Variants in ROR2 observed in about 807,000 individuals in gnomAD.
ROR2 encodes the protein tyrosine-protein kinase transmembrane receptor ROR2.
Under a neutral mutation model 74.9 loss-of-function variants are expected in ROR2, and 33 were observed. The observed-to-expected ratio is 0.44, with a 90% CI of 0.33 to 0.59. The LOEUF (loss-of-function observed/expected upper bound fraction) is 0.59. Ranked by LOEUF, ROR2 falls within the 20% of genes least tolerant of loss-of-function variation. The pLI is 0.02. For missense variants in ROR2, 1,216 were observed against 1,313.8 expected (o/e 0.93, Z 1.15); for synonymous variants, 586 against 558.7 (o/e 1.05, Z -0.69).
chr9:91,853,293 G>C (rs945648893), intron 1 of ROR2, among the ~76,000 whole-genome samples: 1 of 152,316 alleles, frequency 6.6e-6, no homozygotes, highest in South Asian at 2.1e-4. Flanking sequence ...AGAGTTACTG[G>C]GAAAGGTGAC....
At chr9:91,803,011 C>A (rs544032633) in intron 1 of ROR2, among the ~76,000 whole-genome samples, 1 of 152,236 alleles carries the variant, frequency 6.6e-6, no homozygotes, top group South Asian at 2.1e-4. Flanking sequence ...CTCACACCCA[C>A]TAAGGCAGCC....
At chr9:91,832,219 A>T (rs780029634) in intron 1 of ROR2, among the ~76,000 whole-genome samples, 5 of 152,146 alleles carry the variant, frequency 3.3e-5, no homozygotes, top group Non-Finnish European at 7.3e-5. Flanking sequence ...TCTTTGGATT[A>T]ACACTGGTAC....
chr9:91,737,092 C>T (rs1223427719), intron 5 of ROR2, among the ~76,000 whole-genome samples: 1 of 152,182 alleles, frequency 6.6e-6, no homozygotes, highest in East Asian at 1.9e-4. Context: ...GAGGCCCTGG[C>T]GTTGCAGTGA....
At chr9:91,746,381 C>T (rs3935602) in intron 4 of ROR2, among the ~76,000 whole-genome samples, 118,294 of 152,170 alleles carry the variant, frequency 0.78, 46,097 homozygotes, top group African/African-American at 0.85. Flanking sequence ...CTGGCCTGGC[C>T]TGGTTTCTGC....
chr9:91,735,868 A>G lies in ROR2; in HGVS notation c.622+1523T>C, dbSNP rs953637623. ...CCTGACCTCGTGATTTGCCCGCCTC[A>G]GCCTCCGAAAGTGCTAGGATTACAG... On this transcript the variant is annotated intron_variant, in intron 5 of 8. Transcript: ENST00000375708. 1.9e-3 allele frequency among the ~76,000 whole-genome samples: 289 copies of G among 152,094 alleles called. 1 individual carries two copies. Among genetic ancestry groups the G allele is most frequent in the African/African-American group, 6.7e-3 (276 of 41,502 alleles).
In ROR2 at chr9:91,828,348, T is replaced by A. The variant is rs1190503466; in HGVS notation, c.98-52530A>T. Among the ~76,000 whole-genome samples the A allele has an allele frequency of 4.6e-5, 7 of 152,214 alleles. No homozygotes were observed. The East Asian group carries it at 7.7e-4, about 17-fold the overall frequency. On this transcript the variant is annotated intron_variant, in intron 1 of 8. Coordinates refer to ENST00000375708, the MANE Select transcript of ROR2 (RefSeq NM_004560.4). ...TACATAGGAAATCTTCTCCAATATA[T>A]TGTATGTAAATTCATTAGTAAGTTC...
At chr9:91,826,057 T>G (rs1166130736) in intron 1 of ROR2, among the ~76,000 whole-genome samples, 1 of 152,202 alleles carries the variant, frequency 6.6e-6, no homozygotes, top group Non-Finnish European at 1.5e-5. Flanking sequence ...GTCGATGTCT[T>G]ATGTTGTACG....
At chr9:91,869,935 A>T (rs1829748454) in intron 1 of ROR2, among the ~76,000 whole-genome samples, 1 of 152,244 alleles carries the variant, frequency 6.6e-6, no homozygotes, top group Non-Finnish European at 1.5e-5. Flanking sequence ...CCTGCAAGAT[A>T]TTGGGAAGTA....
At chr9:91,917,431 T>C (rs78378309) in intron 1 of ROR2, among the ~76,000 whole-genome samples, 2,471 of 152,268 alleles carry the variant, frequency 0.016, 63 homozygotes, top group African/African-American at 0.056. Context: ...ACTGGAGGTG[T>C]GGACGCTGAC....
chr9:91,929,048 G>A (rs1326881298), intron 1 of ROR2, among the ~76,000 whole-genome samples: 4 of 152,224 alleles, frequency 2.6e-5, no homozygotes, highest in Non-Finnish European at 5.9e-5. Context: ...AAGGAAGCAT[G>A]GGCACTGTGG....
At chr9:91,890,567 C>G (rs1227234907) in intron 1 of ROR2, among the ~76,000 whole-genome samples, 1 of 152,172 alleles carries the variant, frequency 6.6e-6, no homozygotes, top group East Asian at 1.9e-4. Context: ...GCAATGCATC[C>G]GGAAGCTAAT....
intron 1 of ROR2, among the ~76,000 whole-genome samples, chr9:91,924,792 A>AC (rs1831354880): frequency 6.6e-6 from 1 of 152,054 alleles, no homozygotes; most frequent in Admixed American, 6.6e-5. Context: ...AAAAAAAAAA[A>AC]AAATTCTGAT....
chr9:91,907,460 AG>A (rs1180650783), intron 1 of ROR2, among the ~76,000 whole-genome samples: 1 of 152,190 alleles, frequency 6.6e-6, no homozygotes, highest in Non-Finnish European at 1.5e-5. Context: ...ATTTCTTTTT[AG>A]GATATCAGCA....
At chr9:91,900,771 C>T (rs1436975708) in intron 1 of ROR2, among the ~76,000 whole-genome samples, 4 of 152,222 alleles carry the variant, frequency 2.6e-5, no homozygotes, top group Non-Finnish European at 4.4e-5. Flanking sequence ...AGACCCACTT[C>T]ACACCTCAAT....
intron 1 of ROR2, among the ~76,000 whole-genome samples, chr9:91,892,859 G>C (rs1259763367): frequency 6.6e-6 from 1 of 152,036 alleles, no homozygotes; most frequent in African/African-American, 2.4e-5. Flanking sequence ...CAAAGTGCTG[G>C]GAATACAGGC....
intron 1 of ROR2, among the ~76,000 whole-genome samples, chr9:91,847,351 T>G (rs1828963120): frequency 6.6e-6 from 1 of 151,996 alleles, no homozygotes; most frequent in Non-Finnish European, 1.5e-5. Context: ...CTCCCCAAAT[T>G]CCAGAGGTAG....
intron 1 of ROR2, among the ~76,000 whole-genome samples, chr9:91,941,787 T>C (rs1290942559): frequency 7.2e-6 from 1 of 139,068 alleles, no homozygotes; most frequent in African/African-American, 2.6e-5. Context: ...CTTTCTCTTC[T>C]CTTCTCTTCT....
chr9:91,899,730 C>T (rs1350369851), intron 1 of ROR2, among the ~76,000 whole-genome samples: 2 of 152,136 alleles, frequency 1.3e-5, no homozygotes, highest in African/African-American at 4.8e-5. Flanking sequence ...CAGGAATCTA[C>T]ACACAAGCAC....
intron 1 of ROR2, among the ~76,000 whole-genome samples, chr9:91,922,121 CAACA>C (rs565297498): frequency 0.018 from 2,519 of 140,984 alleles, 61 homozygotes; most frequent in African/African-American, 0.056. Context: ...ACAACAACAA[CAACA>C]AACAACAACA....
Sources: gnomAD v4.1 joint callset for allele counts (sites outside exome capture counted in the v4.1 genomes callset) on GRCh38, gnomAD v4.1.1 for gene constraint, MANE v1.5 for transcripts, NCBI Gene and HGNC (gene_info 2026-07-23, HGNC 2026-07-21) for gene names.